The following SGCZ variants were observed in gnomAD, a reference collection of about 807,000 sequenced individuals.
The protein encoded by SGCZ is zeta-sarcoglycan.
Under a neutral mutation model 41.3 loss-of-function variants are expected in SGCZ, and 40 were observed. The ratio of observed to expected loss-of-function variants is 0.97; its 90% confidence interval spans 0.75 to 1.26. The LOEUF (loss-of-function observed/expected upper bound fraction) is 1.26. SGCZ is among the 50% of genes most tolerant of loss of function. SGCZ has a pLI of 0.00. For synonymous variants in SGCZ, 206 were observed against 137.5 expected (o/e 1.50, Z -3.49); for missense variants, 552 against 369.8 (o/e 1.49, Z -4.04).
At chr8:14,468,100 G>A (rs916996894) in intron 2 of SGCZ, among the ~76,000 whole-genome samples, 1 of 151,898 alleles carries the variant, frequency 6.6e-6, no homozygotes, top group African/African-American at 2.4e-5. Flanking sequence ...TTTTCAAAGA[G>A]GTGGCACATC....
At chr8:14,593,864 T>G (rs569719942) in intron 1 of SGCZ, among the ~76,000 whole-genome samples, 1 of 152,166 alleles carries the variant, frequency 6.6e-6, no homozygotes, top group South Asian at 2.1e-4. Flanking sequence ...CAGAATCACC[T>G]AGGGAACTTT....
At chr8:14,341,481 A>C (rs1317280702) in intron 2 of SGCZ, among the ~76,000 whole-genome samples, 1 of 152,154 alleles carries the variant, frequency 6.6e-6, no homozygotes, top group Non-Finnish European at 1.5e-5. Flanking sequence ...AATGGGTGTG[A>C]AGTGGGGTAA....
chr8:14,452,713 A>G (rs1389910368), intron 2 of SGCZ, among the ~76,000 whole-genome samples: 1 of 151,934 alleles, frequency 6.6e-6, no homozygotes, highest in Non-Finnish European at 1.5e-5. Context: ...GTATATTGGA[A>G]CTCTTTTTGT....
intron 1 of SGCZ, among the ~76,000 whole-genome samples, chr8:14,717,541 C>T (rs1809731332): frequency 6.6e-6 from 1 of 152,136 alleles, no homozygotes; most frequent in African/African-American, 2.4e-5. Context: ...TGTCCATTCT[C>T]TCTAGTGATG....
At chr8:14,197,187 A>C (rs1405730247) in intron 4 of SGCZ, among the ~76,000 whole-genome samples, 1 of 152,178 alleles carries the variant, frequency 6.6e-6, no homozygotes, top group Non-Finnish European at 1.5e-5. Flanking sequence ...TTGGCATAAT[A>C]ATGGCATAAT....
chr8:14,201,736 G>C (rs1805462287), intron 4 of SGCZ, among the ~76,000 whole-genome samples: 1 of 152,122 alleles, frequency 6.6e-6, no homozygotes, highest in African/African-American at 2.4e-5. Flanking sequence ...AGCTCACAAA[G>C]CTCTATACTG....
At chr8:14,666,017 A>C (rs1431312194) in intron 1 of SGCZ, among the ~76,000 whole-genome samples, 1 of 152,228 alleles carries the variant, frequency 6.6e-6, no homozygotes, top group African/African-American at 2.4e-5. Context: ...TTGCAGCATT[A>C]GGCTCTGTGA....
At chr8:15,212,581 A>G (rs1801267750) in intron 1 of SGCZ, among the ~76,000 whole-genome samples, 1 of 152,108 alleles carries the variant, frequency 6.6e-6, no homozygotes, top group South Asian at 2.1e-4. Flanking sequence ...AGCCTTGGCT[A>G]CAGCTGGAAT....
intron 2 of SGCZ, among the ~76,000 whole-genome samples, chr8:14,362,622 A>G (rs1420746481): frequency 6.6e-6 from 1 of 152,174 alleles, no homozygotes; most frequent in African/African-American, 2.4e-5. Context: ...TGGGTAGGAA[A>G]GGGAAATCCC....
intron 2 of SGCZ, among the ~76,000 whole-genome samples, chr8:14,424,513 C>T (rs1350605206): frequency 6.6e-6 from 1 of 151,986 alleles, no homozygotes; most frequent in African/African-American, 2.4e-5. Context: ...AAAATATACA[C>T]AAATATGTGT....
At chr8:14,743,280 A>G (rs1799246864) in intron 1 of SGCZ, among the ~76,000 whole-genome samples, 1 of 152,116 alleles carries the variant, frequency 6.6e-6, no homozygotes, top group South Asian at 2.1e-4. Flanking sequence ...CATGAAAACT[A>G]TGTTTACAAA....
At chr8:14,104,710 GT>G (rs1398888654) in intron 6 of SGCZ, among the ~76,000 whole-genome samples, 3 of 151,982 alleles carry the variant, frequency 2.0e-5, no homozygotes, top group Non-Finnish European at 2.9e-5. Flanking sequence ...GCTTAATAGA[GT>G]TTTTTTCCTT....
chr8:14,734,443 T>A (rs1462307183), intron 1 of SGCZ, among the ~76,000 whole-genome samples: 1 of 152,144 alleles, frequency 6.6e-6, no homozygotes, highest in Non-Finnish European at 1.5e-5. Context: ...GCCCCGAAAC[T>A]TTTATAACAA....
chr8:14,970,929 T>C (rs1199849117), intron 1 of SGCZ, among the ~76,000 whole-genome samples: 1 of 152,224 alleles, frequency 6.6e-6, no homozygotes, highest in Non-Finnish European at 1.5e-5. Context: ...CAGCCATGAA[T>C]ACTACATATC....
At chr8:15,125,075 C>T (rs1011617334) in intron 1 of SGCZ, among the ~76,000 whole-genome samples, 12 of 152,120 alleles carry the variant, frequency 7.9e-5, no homozygotes, top group African/African-American at 2.9e-4. Context: ...GATTTATATT[C>T]ATTTTATGGA....
At chr8:15,160,559 T>C (rs1335396409) in intron 1 of SGCZ, among the ~76,000 whole-genome samples, 1 of 152,238 alleles carries the variant, frequency 6.6e-6, no homozygotes, top group Non-Finnish European at 1.5e-5. Context: ...AAAGTAGCCA[T>C]GTGATTTATA....
chr8:15,046,139 T>C (rs1804293051), intron 1 of SGCZ, among the ~76,000 whole-genome samples: 1 of 152,070 alleles, frequency 6.6e-6, no homozygotes, highest in South Asian at 2.1e-4. Context: ...GCATTTTTAA[T>C]ATAATATAGA....
chr8:15,128,767 A>C (rs148972831), intron 1 of SGCZ, among the ~76,000 whole-genome samples: 114 of 152,288 alleles, frequency 7.5e-4, no homozygotes, highest in African/African-American at 2.5e-3. Flanking sequence ...GATCCTTCAA[A>C]TTTCCATTCT....
At chr8:14,932,760 C>T (rs1341653742) in intron 1 of SGCZ, among the ~76,000 whole-genome samples, 1 of 151,922 alleles carries the variant, frequency 6.6e-6, no homozygotes, top group African/African-American at 2.4e-5. Context: ...CTTTCCACTC[C>T]AAAACAACTA....
Sources: allele counts gnomAD v4.1 joint callset (sites outside exome capture counted in the v4.1 genomes callset), GRCh38; gene constraint gnomAD v4.1.1; transcripts MANE v1.5; gene names NCBI Gene and HGNC (gene_info 2026-07-23, HGNC 2026-07-21).